Variants in SOD2 observed in about 807,000 individuals in gnomAD.
The protein encoded by SOD2 is superoxide dismutase [Mn], mitochondrial.
Under a neutral mutation model 27.0 loss-of-function variants are expected in SOD2, and 11 were observed. The observed-to-expected ratio is 0.41, with a 90% CI of 0.26 to 0.67. The LOEUF (loss-of-function observed/expected upper bound fraction) is 0.67. Among genes scored for constraint, SOD2 ranks in the 30% least tolerant of loss-of-function variants. The probability of loss-of-function intolerance (pLI) is 0.34; values close to 1 mark genes in which losing one functional copy is unlikely to be tolerated. For synonymous variants in SOD2, 105 were observed against 103.0 expected (o/e 1.02, Z -0.12); for missense variants, 250 against 274.5 (o/e 0.91, Z 0.63).
intron 1 of SOD2, among the ~76,000 whole-genome samples, chr6:159,720,846 C>CA (rs1562442540): frequency 2.2e-4 from 14 of 62,826 alleles, no homozygotes; most frequent in Non-Finnish European, 4.1e-4. Context: ...ATTTTCTTTA[C>CA]CTTTTTTTTT....
intron 1 of SOD2, chr6:159,755,441 T>A (rs1779965888): frequency 6.2e-7 from 1 of 1,613,640 alleles, no homozygotes; most frequent in African/African-American, 1.3e-5. Context: ...AAGTGTAGAC[T>A]CTCCCACGGG....
intron 1 of SOD2, chr6:159,738,944 T>C (rs1000389447): frequency 2.8e-6 from 4 of 1,452,912 alleles, no homozygotes; most frequent in South Asian, 1.2e-5. Flanking sequence ...TAGAACTTTG[T>C]GTCTTCAGGA....
intron 1 of SOD2, among the ~76,000 whole-genome samples, chr6:159,732,886 A>AGTGTGTGTGTGTGTGTGTGTGTGTGTGT (rs67554039): frequency 1.4e-5 from 2 of 146,488 alleles, no homozygotes; most frequent in African/African-American, 5.2e-5. Flanking sequence ...ATATATATAT[A>AGTGTGTGTGTGTGTGTGTGTGTGTGTGT]GTGTGTGTGT....
intron 1 of SOD2, among the ~76,000 whole-genome samples, chr6:159,756,696 G>A (rs1780018916): frequency 6.9e-6 from 1 of 144,272 alleles, no homozygotes; most frequent in Non-Finnish European, 1.5e-5. Context: ...CAAAGTCCTC[G>A]ACTCAAGTGA....
intron 1 of SOD2, among the ~76,000 whole-genome samples, chr6:159,743,432 G>C (rs1360933740): frequency 1.3e-5 from 2 of 152,168 alleles, no homozygotes; most frequent in East Asian, 1.9e-4. Context: ...TCTTCTGTTG[G>C]GAGTAGATGA....
chr6:159,732,342 G>A (rs1410759513), upstream of SOD2, among the ~76,000 whole-genome samples: 2 of 152,004 alleles, frequency 1.3e-5, no homozygotes, highest in African/African-American at 2.4e-5. Context: ...TAGATAAAAG[G>A]TATACCACCT....
intron 3 of SOD2, 28 bp from the exon 4 acceptor site, chr6:159,685,061 C>T: frequency 6.6e-7 from 1 of 1,518,276 alleles, no homozygotes; most frequent in South Asian, 1.2e-5. Context: ...CAAAACCACC[C>T]ACAAATGAAC....
rs1779273933 is a variant in SOD2, at chr6:159,741,836, C to T, written c.-116+3294G>A. ...GACCCCATCTCTACAAAAAAATGAG[C>T]CATGTGCCTTTGGTCCCAGCTATAC... On this transcript the variant is annotated intron_variant, in intron 1 of 3. Transcript: ENST00000537657. 3 of 312,500 alleles carry T rather than the reference C, an allele frequency of 9.6e-6. No individual in the cohort carries two copies. In the South Asian group the frequency reaches 1.0e-4, roughly 11 times the overall value. The allele number at this position is 312,500 out of a possible 1,614,324, so 19.4% of individuals were successfully genotyped here. A position where few individuals can be genotyped will look rare whatever the true frequency, so the allele number is the denominator to read the frequency against.
At position 159,739,089 on chromosome 6, in the gene SOD2, T is replaced by G. The variant is rs372140627; in HGVS notation, c.-116+6041A>C. ...AAAAACAAAGTCTTTCTATAGAACA[T>G]TATATTGTGACTCTACACTGTAATT... On this transcript the variant is annotated intron_variant, in intron 1 of 3. Transcript: ENST00000537657. 44 of 1,472,834 alleles carry G rather than the reference T, an allele frequency of 3.0e-5. No homozygotes were observed. The African/African-American group carries it at 5.9e-4, about 20-fold the overall frequency. 91.2% of individuals were successfully genotyped at this position (1,472,834 alleles called of 1,614,324 possible). A position where few individuals can be genotyped will look rare whatever the true frequency, so the allele number is the denominator to read the frequency against.
intron 3 of SOD2, 37 bp from the exon 4 acceptor site, chr6:159,685,070 A>G: frequency 6.7e-7 from 1 of 1,491,054 alleles, no homozygotes; most frequent in Non-Finnish European, 9.1e-7. Flanking sequence ...CCACAAATGA[A>G]CAGATTTCAA....
At chr6:159,732,306 C>G (rs1778622036), upstream of SOD2, among the ~76,000 whole-genome samples, 1 of 152,128 alleles carries the variant, frequency 6.6e-6, no homozygotes, top group South Asian at 2.1e-4. Context: ...GTTGTACATA[C>G]TGAGTAGGTA....
chr6:159,719,420 C>T (rs893490727), intron 1 of SOD2, among the ~76,000 whole-genome samples: 3 of 151,992 alleles, frequency 2.0e-5, no homozygotes, highest in African/African-American at 7.2e-5. Flanking sequence ...CCCAGCTACT[C>T]AGGCTGCTGA....
At chr6:159,743,623 T>C (rs1779392026) in intron 1 of SOD2, 2 of 1,549,302 alleles carry the variant, frequency 1.3e-6, no homozygotes, top group African/African-American at 1.4e-5. Context: ...ATTTAGAACT[T>C]GATCTTAAAA....
chr6:159,720,215 A>AT (rs1778006874), intron 1 of SOD2, among the ~76,000 whole-genome samples: 1 of 151,394 alleles, frequency 6.6e-6, no homozygotes, highest in Non-Finnish European at 1.5e-5. Flanking sequence ...GTGTATATAT[A>AT]AATATATATT....
At chr6:159,757,718 A>G (rs1780044726) in intron 1 of SOD2, among the ~76,000 whole-genome samples, 1 of 151,966 alleles carries the variant, frequency 6.6e-6, no homozygotes, top group South Asian at 2.1e-4. Context: ...ACCTTGATTA[A>G]CCTTTTCTAC....
At chr6:159,742,132 A>T (rs781144409) in intron 1 of SOD2, 1 of 1,607,772 alleles carries the variant, frequency 6.2e-7, no homozygotes, top group Non-Finnish European at 8.5e-7. Context: ...GAGGGCAAGT[A>T]CACAGATCTT....
At chr6:159,748,450 G>A (rs912633927), upstream of SOD2, 18 of 1,559,936 alleles carry the variant, frequency 1.2e-5, no homozygotes, top group Admixed American at 3.7e-5. This position sits in a 1 kb window ranked among gnomAD's most constrained non-coding sequence, Gnocchi z 5.6. Context: ...CCAAGTACTC[G>A]TTTCCACACC....
rs536683630 is a variant in SOD2 at position 159,755,449 on chromosome 6, G to C, written c.-336+5588C>G. 4 of 1,613,930 alleles carry C rather than the reference G, an allele frequency of 2.5e-6. No individual in the cohort carries two copies. In the South Asian group the frequency reaches 4.4e-5, roughly 18 times the overall value. ...GGTATGAAAGTGTAGACTCTCCCACGGGCAGTGAAAACTCTCTCACACACC... is the reference window on the plus strand; with the variant it reads ...GGTATGAAAGTGTAGACTCTCCCACCGGCAGTGAAAACTCTCTCACACACC... On this transcript the variant is annotated intron_variant, in intron 1 of 7. Transcript: ENST00000546087.
intron 1 of SOD2, among the ~76,000 whole-genome samples, chr6:159,711,983 CACACT>C (rs1562437909): frequency 1.3e-4 from 13 of 103,346 alleles, no homozygotes; most frequent in African/African-American, 4.5e-4. Flanking sequence ...AACCACCACT[CACACT>C]GCTCAGACCT....
Sources: allele counts gnomAD v4.1 joint callset (sites outside exome capture counted in the v4.1 genomes callset), GRCh38; gene constraint gnomAD v4.1.1; non-coding constraint Gnocchi (gnomAD v3.1); transcripts MANE v1.5; gene names NCBI Gene and HGNC (gene_info 2026-07-23, HGNC 2026-07-21).